The following NEB variants were observed in gnomAD, a reference collection of about 807,000 sequenced individuals.
NEB encodes the protein nebulin, also known as nemaline myopathy type 2.
A neutral mutation model predicts 952.2 loss-of-function variants in NEB; 512 were observed. That is an observed-to-expected ratio of 0.54 (90% CI 0.50 to 0.58). NEB has a LOEUF of 0.58. NEB is among the 20% of genes least tolerant of loss of function. NEB has a pLI of 0.00. For synonymous variants in NEB, 2,900 were observed against 3,149.8 expected, an observed-to-expected ratio of 0.92 and a Z score of 2.66; for missense variants, 8,428 against 9,231.1, an observed-to-expected ratio of 0.91 and a Z score of 3.56.
intron 26 of NEB, 23 bp downstream of exon 26, chr2:151,687,603 C>G (rs767058542): frequency 1.9e-6 from 3 of 1,613,584 alleles, no homozygotes; most frequent in Non-Finnish European, 2.5e-6. Context: ...GTCCAGGTCC[C>G]CAGGTCCCCA....
intron 18 of NEB, 82 bp from the exon 19 acceptor site, chr2:151,694,711 C>T: frequency 2.0e-6 from 2 of 1,010,700 alleles, no homozygotes; most frequent in Non-Finnish European, 3.0e-6. Flanking sequence ...TAACTAAATA[C>T]CTTATCTTAA....
At chr2:151,510,585 GGA>G (rs571809291) in intron 161 of NEB, among the ~76,000 whole-genome samples, 2 of 152,156 alleles carry the variant, frequency 1.3e-5, no homozygotes, top group South Asian at 2.1e-4. Flanking sequence ...ATATTCTGAG[GGA>G]GAGAGAGAGA....
intron 171 of NEB, 127 bp from the exon 172 acceptor site, chr2:151,497,160 T>C: frequency 7.6e-7 from 1 of 1,322,880 alleles, no homozygotes; most frequent in South Asian, 1.4e-5. Context: ...AGAAGTTATA[T>C]GCTGACAAAA....
chr2:151,673,705 G>A (rs1315557540), intron 36 of NEB, among the ~76,000 whole-genome samples: 1 of 150,314 alleles, frequency 6.7e-6, no homozygotes, highest in Non-Finnish European at 1.5e-5. Flanking sequence ...TGCAGGGCAT[G>A]CATGCTTTCT....
chr2:151,553,311 C>A (rs945761269), intron 127 of NEB, 87 bp downstream of exon 127: 11 of 1,109,424 alleles, frequency 9.9e-6, no homozygotes, highest in Admixed American at 3.7e-5. Context: ...TGGCCTGTGA[C>A]AATGTCCCTA....
Position 151,614,512 on chromosome 2 carries a change from T to A in NEB, c.11365A>T (p.Met3789Leu), listed in dbSNP as rs778896294. The change falls in exon 77 of 182, where the codon ATG (methionine) becomes TTG (leucine). Residue 3789 changes from methionine (M) to leucine (L), a missense_variant. Met to Leu is a conservative substitution (Grantham distance 15). Around this residue, in one of 11 missense-constraint regions of NEB, gnomAD observed 1,772 missense variants for 1,960.3 expected, o/e 0.90. Coordinates refer to ENST00000397345, the MANE Select transcript of NEB (RefSeq NM_001164508.2). Reference sequence around the variant, plus strand: ...TTGGCCACATGGATGGACCACATCATCTTCGGGTCATCCTTAATGTTCCGG... The same window carrying A: ...TTGGCCACATGGATGGACCACATCAACTTCGGGTCATCCTTAATGTTCCGG... Reference protein sequence around the residue: ...GARNIKDDPKMMWSIHVAKIQ... With the variant: ...GARNIKDDPKLMWSIHVAKIQ... 1 of 1,613,908 alleles carries A rather than the reference T, an allele frequency of 6.2e-7. No individual in the cohort carries two copies. Among genetic ancestry groups the A allele is most frequent in the Non-Finnish European group, 8.5e-7 (1 of 1,179,842 alleles).
chr2:151,490,312 T>C lies in NEB; in HGVS notation c.25297+60A>G, dbSNP rs539921062. ...GTTTTTGTACTCAAAGCATCTCTTATAGTAACCATCAATGAGCTGGCCGGG... is the reference window on the plus strand; with the variant it reads ...GTTTTTGTACTCAAAGCATCTCTTACAGTAACCATCAATGAGCTGGCCGGG... On this transcript the variant is annotated intron_variant, in intron 180 of 181. Transcript: ENST00000397345. 1,124 of 1,550,742 alleles carry C rather than the reference T, an allele frequency of 7.2e-4. 2 individuals are homozygous for C. The highest frequency in any genetic ancestry group is 7.6e-4 in the Non-Finnish European group (871 of 1,143,848).
At chr2:151,657,681 C>G (rs1212259018) in intron 48 of NEB, among the ~76,000 whole-genome samples, 3 of 152,118 alleles carry the variant, frequency 2.0e-5, no homozygotes, top group Non-Finnish European at 4.4e-5. Context: ...AAGACTTTCA[C>G]CAAGAAAGCT....
At chr2:151,620,349 A>ATG (rs1369742814) in intron 72 of NEB, among the ~76,000 whole-genome samples, 10 of 33,682 alleles carry the variant, frequency 3.0e-4, no homozygotes, top group East Asian at 1.4e-3. Flanking sequence ...ATGTGTGTGT[A>ATG]TATATATATA....
Position 151,729,111 on chromosome 2 carries a change from T to C in NEB, c.78+504A>G, listed in dbSNP as rs376674974. ...AACGTGGAATATTTATGGTAATAGG[T>C]TATTTAGAATTGCTAATGTGCTAAA... On this transcript the variant is annotated intron_variant, in intron 4 of 181. Transcript: ENST00000397345. 6.6e-4 allele frequency among the ~76,000 whole-genome samples: 100 copies of C among 152,116 alleles called. 1 individual carries two copies. The South Asian group carries it at 0.02, about 31-fold the overall frequency.
At chr2:151,690,693 G>A in intron 24 of NEB, 34 bp downstream of exon 24, 2 of 1,466,292 alleles carry the variant, frequency 1.4e-6, no homozygotes, top group East Asian at 2.4e-5. Flanking sequence ...AAGCACTCTG[G>A]GTCACCCACG....
intron 8 of NEB, among the ~76,000 whole-genome samples, chr2:151,723,834 C>G (rs1407806450): frequency 6.9e-6 from 1 of 144,808 alleles, no homozygotes; most frequent in African/African-American, 2.6e-5. Flanking sequence ...ATGTAAGGAG[C>G]CAGGAAGCAC....
rs757340420 is a variant in NEB at position 151,656,369 on chromosome 2, C to T, written c.6279G>A (p.Val2093=). The T allele has an allele frequency of 1.9e-6, 3 of 1,613,582 alleles. No homozygotes were observed. Among genetic ancestry groups the T allele is most frequent in the Non-Finnish European group, 1.7e-6 (2 of 1,179,686 alleles). Residue 2093 remains valine (V), a synonymous_variant, in exon 49 of 182, where the codon GTG becomes GTA. Coordinates refer to ENST00000397345, the MANE Select transcript of NEB (RefSeq NM_001164508.2). Reference sequence around the variant, plus strand: ...ACTCCCGATCAGATTGCATCTTAGCCACTTGCATGGAATGGACTAATTTGG... The same window carrying T: ...ACTCCCGATCAGATTGCATCTTAGCTACTTGCATGGAATGGACTAATTTGG... The part of the protein sequence containing the change: ...DDPKLVHSMQ[V]AKMQSDREYK...
At chr2:151,637,404 A>C (rs899172417) in intron 63 of NEB, among the ~76,000 whole-genome samples, 7 of 152,218 alleles carry the variant, frequency 4.6e-5, no homozygotes, top group Admixed American at 1.3e-4. Flanking sequence ...AGTTCACAGG[A>C]GAGGGCTGAG....
At chr2:151,562,862 G>C in intron 119 of NEB, 54 bp from the exon 120 acceptor site, 1 of 1,293,226 alleles carries the variant, frequency 7.7e-7, no homozygotes. Flanking sequence ...AAATTATTCA[G>C]ATCAATGTCT....
At chr2:151,712,565 C>A (rs1258573121) in intron 10 of NEB, among the ~76,000 whole-genome samples, 1 of 151,842 alleles carries the variant, frequency 6.6e-6, no homozygotes, top group Non-Finnish European at 1.5e-5. Flanking sequence ...GGAGATCGAG[C>A]TCTCACAATC....
At chr2:151,566,535 C>G (rs1285849663) in intron 114 of NEB, among the ~76,000 whole-genome samples, 34 of 152,138 alleles carry the variant, frequency 2.2e-4, no homozygotes, top group Admixed American at 2.2e-3. Flanking sequence ...ACCTAAGCAA[C>G]TAAGTTGATG....
At position 151,694,424 on chromosome 2, in the gene NEB, T is replaced by C; in HGVS notation, c.1795A>G (p.Lys599Glu). ...TTCCCTTTGTTTTTTTCATAGTCTT[T>C]CTTGTACATCACCTGCAAAGACATC... ...TKNTSDVMYKKDYEKNKGKMI... is the reference protein window; with the variant it reads ...TKNTSDVMYKEDYEKNKGKMI... Residue 599 changes from lysine to glutamate, a missense_variant, in exon 20 of 182, where the codon AAA becomes GAA. By Grantham distance (56) the Lys-to-Glu change is moderately conservative. Coordinates refer to ENST00000397345, the MANE Select transcript of NEB (RefSeq NM_001164508.2). 1 of 1,613,800 alleles carries C rather than the reference T, an allele frequency of 6.2e-7. No individual in the cohort carries two copies. The highest frequency in any genetic ancestry group is 8.5e-7 in the Non-Finnish European group (1 of 1,179,774).
chr2:151,639,718 A>T (rs2154102452), intron 62 of NEB, 139 bp downstream of exon 62: 2 of 692,992 alleles, frequency 2.9e-6, no homozygotes, highest in South Asian at 4.1e-5. Flanking sequence ...ATTAATAGAT[A>T]GATGAGAAGC....
Sources: allele counts gnomAD v4.1 joint callset (sites outside exome capture counted in the v4.1 genomes callset), GRCh38; gene constraint gnomAD v4.1.1; regional missense constraint gnomAD v4.1.1; transcripts MANE v1.5; gene names NCBI Gene and HGNC (gene_info 2026-07-23, HGNC 2026-07-21).